NGEF: variants seen among roughly 807,000 people sequenced by gnomAD.
The protein encoded by NGEF is ephexin-1.
In NGEF, 31 loss-of-function variants were observed where a neutral mutation model predicts 80.9. That is an observed-to-expected ratio of 0.38 (90% CI 0.29 to 0.52). The LOEUF (loss-of-function observed/expected upper bound fraction) is 0.52. Among genes scored for constraint, NGEF ranks in the 20% least tolerant of loss-of-function variants. The pLI is 0.84. For missense variants in NGEF, 709 were observed against 926.2 expected (o/e 0.77, Z 3.04); for synonymous variants, 371 against 370.2 (o/e 1.00, Z -0.03).
At chr2:232,894,943 C>T (rs748009454) in intron 5 of NGEF, 27 bp from the exon 6 acceptor site, 16 of 1,538,606 alleles carry the variant, frequency 1.0e-5, no homozygotes, top group East Asian at 2.3e-5. Flanking sequence ...CCATGGTTAC[C>T]GCCTGAAGTT....
intron 5 of NGEF, among the ~76,000 whole-genome samples, chr2:232,896,711 TA>T (rs1472135060): frequency 3.8e-4 from 8 of 20,882 alleles, no homozygotes; most frequent in Admixed American, 1.3e-3. Context: ...GGGGTGGGGG[TA>T]GGGGTGAGTG....
intron 3 of NGEF, among the ~76,000 whole-genome samples, chr2:232,965,090 C>T (rs1227084485): frequency 6.6e-6 from 1 of 152,200 alleles, no homozygotes; most frequent in Non-Finnish European, 1.5e-5. Flanking sequence ...ACGACAGCGA[C>T]GATTCCAAAA....
At chr2:233,005,012 A>G (rs1431281119) in intron 1 of NGEF, among the ~76,000 whole-genome samples, 1 of 152,212 alleles carries the variant, frequency 6.6e-6, no homozygotes, top group Non-Finnish European at 1.5e-5. Context: ...CAGATCAGAT[A>G]CACACGGACC....
chr2:232,975,934 C>T (rs1015901920), intron 1 of NGEF, among the ~76,000 whole-genome samples: 1 of 152,150 alleles, frequency 6.6e-6, no homozygotes, highest in Admixed American at 6.5e-5. Context: ...CTTGGCCAGG[C>T]ACCGGCCTAT....
At position 232,893,059 on chromosome 2, in the gene NGEF, G is replaced by A. The variant is rs759052528; in HGVS notation, c.990-9C>T. On this transcript the variant is annotated splice_polypyrimidine_tract_variant and intron_variant, in intron 6 of 14. Coordinates refer to ENST00000264051, the MANE Select transcript of NGEF (RefSeq NM_019850.3). ...CCAGCTCCAGGAGGAACCTACGAGA[G>A]GCAGCGGCTTGAGGCGGAGGGTGCC... 1.1e-5 allele frequency: 17 copies of A among 1,609,232 alleles called. No individual in the cohort carries two copies. The highest frequency in any genetic ancestry group is 1.4e-5 in the Non-Finnish European group (17 of 1,177,302).
chr2:232,959,859 G>C (rs80278135), intron 3 of NGEF, among the ~76,000 whole-genome samples: 29,733 of 152,064 alleles, frequency 0.2, 3,044 homozygotes, highest in East Asian at 0.34. Context: ...GATTACAGGC[G>C]TGAGCCACCG....
rs550622107 is a variant in NGEF at position 232,892,361 on chromosome 2, C to T, written c.1142+537G>A. The stretch of plus-strand genomic sequence containing the variant: ...CTGGCTAACCCCAGGCACTGAAGTG[C>T]GAACCTCAGTGCGCAGAATTCAGAA... On this transcript the variant is annotated intron_variant, in intron 7 of 14. Coordinates refer to ENST00000264051, the MANE Select transcript of NGEF (RefSeq NM_019850.3). This position sits in a 1 kb window ranked among gnomAD's most constrained non-coding sequence, Gnocchi z 4.0. Among the ~76,000 whole-genome samples, 7 of 152,242 alleles carry T rather than the reference C, an allele frequency of 4.6e-5. No individual in the cohort carries two copies. The highest frequency in any genetic ancestry group is 1.9e-4 in the East Asian group (1 of 5,166).
chr2:232,966,639 C>A (rs1388666568), intron 3 of NGEF, among the ~76,000 whole-genome samples: 27 of 152,064 alleles, frequency 1.8e-4, no homozygotes, highest in Admixed American at 1.8e-3. Context: ...AACCCAGTAG[C>A]CAGCCCCGTC....
At chr2:232,950,914 A>G (rs899834499) in intron 3 of NGEF, among the ~76,000 whole-genome samples, 6 of 152,232 alleles carry the variant, frequency 3.9e-5, no homozygotes, top group Non-Finnish European at 8.8e-5. Flanking sequence ...ATGAATGTAC[A>G]TTAACTGCCA....
chr2:232,991,398 G>A (rs1041373925), intron 1 of NGEF, among the ~76,000 whole-genome samples: 2 of 151,300 alleles, frequency 1.3e-5, no homozygotes, highest in African/African-American at 4.9e-5. Flanking sequence ...GTTCAGCAAA[G>A]TTTCAGAATA....
chr2:232,973,493 TG>T (rs1258705693), intron 2 of NGEF, among the ~76,000 whole-genome samples: 1 of 152,186 alleles, frequency 6.6e-6, no homozygotes, highest in Non-Finnish European at 1.5e-5. Flanking sequence ...TGACAGAACA[TG>T]GTGCAAGGGA....
At chr2:232,972,410 T>G (rs1255993401) in intron 2 of NGEF, among the ~76,000 whole-genome samples, 1 of 152,228 alleles carries the variant, frequency 6.6e-6, no homozygotes, top group Non-Finnish European at 1.5e-5. Context: ...TTATTTGTAC[T>G]TTTTAAATGT....
In NGEF at chr2:232,940,334, A is replaced by C. The variant is rs1693411648; in HGVS notation, c.384-13148T>G. On this transcript the variant is annotated intron_variant, in intron 3 of 14. Coordinates refer to ENST00000264051, the MANE Select transcript of NGEF (RefSeq NM_019850.3). The stretch of plus-strand genomic sequence containing the variant: ...CAAAGAGTTTTGGAAATGAACAGCC[A>C]GTGGTCGCCAAGGCGTGGAATTCAC... 2.0e-5 allele frequency among the ~76,000 whole-genome samples: 3 copies of C among 152,364 alleles called. No individual in the cohort carries two copies. The South Asian group carries it at 6.2e-4, about 32-fold the overall frequency.
At chr2:233,012,650 G>T (rs919897459) in intron 1 of NGEF, 8 of 347,832 alleles carry the variant, frequency 2.3e-5, no homozygotes. Context: ...GCAGTCACAG[G>T]GCCCTGTTCT....
chr2:232,937,987 A>C (rs1229140951), intron 3 of NGEF, among the ~76,000 whole-genome samples: 1 of 152,140 alleles, frequency 6.6e-6, no homozygotes, highest in Non-Finnish European at 1.5e-5. Flanking sequence ...GCTCTGGTGG[A>C]CAGTCATGCT....
intron 3 of NGEF, among the ~76,000 whole-genome samples, chr2:232,953,994 A>G (rs1387842942): frequency 6.6e-6 from 1 of 152,206 alleles, no homozygotes. Context: ...TGCCAAAAAT[A>G]ACAATTTTTG....
Position 232,879,420 on chromosome 2 carries a change from GCCCC to G in NGEF, c.*65_*68del, listed in dbSNP as rs67252740. 1,383 of 1,227,212 alleles carry G rather than the reference GCCCC, an allele frequency of 1.1e-3. 2 individuals are homozygous for G. Among genetic ancestry groups the G allele is most frequent in the Middle Eastern group, 1.7e-3 (6 of 3,602 alleles). 76.0% of individuals were successfully genotyped at this position (1,227,212 alleles called of 1,614,324 possible). On this transcript the variant is annotated 3_prime_UTR_variant, in exon 15 of 15. Coordinates refer to ENST00000264051, the MANE Select transcript of NGEF (RefSeq NM_019850.3). ...GAGGTGCTGGCCTGTGCTTCCCAGA[GCCCC>G]CCCCCCCCCACCTTCTGTCGGGGTC...
Position 232,927,181 on chromosome 2 carries a change from G to T in NGEF, c.389C>A (p.Ser130Ter). Residue 130 changes from serine (S) to a stop codon, truncating the protein, a stop_gained, in exon 4 of 15, where the codon TCG (serine) becomes TAG (stop). Transcript: ENST00000264051. LOFTEE classifies it high-confidence loss of function. ...GGCCCCATTTCCCGGGGTGGAGGAC[G>T]ACTCACTGCCAGAGAGGGAGGAGGA... ...TDPGAQEMSESSSTPGNGATP... is the reference protein window; with the variant it reads ...TDPGAQEMSE The T allele has an allele frequency of 1.9e-6, 3 of 1,590,948 alleles. No homozygotes were observed. The highest frequency in any genetic ancestry group is 1.7e-6 in the Non-Finnish European group (2 of 1,170,812).
At chr2:233,002,692 T>C (rs1260403250) in intron 1 of NGEF, among the ~76,000 whole-genome samples, 1 of 152,064 alleles carries the variant, frequency 6.6e-6, no homozygotes, top group African/African-American at 2.4e-5. Flanking sequence ...ATATTGTAAA[T>C]GTAGAAAGCA....
Sources: gnomAD v4.1 joint callset for allele counts (sites outside exome capture counted in the v4.1 genomes callset) on GRCh38, gnomAD v4.1.1 for gene constraint, Gnocchi (gnomAD v3.1) non-coding constraint, MANE v1.5 for transcripts, NCBI Gene and HGNC (gene_info 2026-07-23, HGNC 2026-07-21) for gene names.